The following HS6ST3 variants were observed in gnomAD, a reference collection of about 807,000 sequenced individuals.
HS6ST3 encodes the protein heparan sulfate 6-O-sulfotransferase 3, also known as heparan-sulfate 6-O-sulfotransferase 3.
Under a neutral mutation model 36.7 loss-of-function variants are expected in HS6ST3, and 12 were observed. The ratio of observed to expected loss-of-function variants is 0.33; its 90% CI spans 0.21 to 0.53. HS6ST3 has a LOEUF of 0.53. HS6ST3 is among the 20% of genes least tolerant of loss of function. The probability of loss-of-function intolerance (pLI) is 0.95; values close to 1 mark genes in which losing one functional copy is unlikely to be tolerated. For synonymous variants in HS6ST3, 240 were observed against 257.5 expected (o/e 0.93, Z 0.65); for missense variants, 584 against 640.9 (o/e 0.91, Z 0.96).
intron 1 of HS6ST3, among the ~76,000 whole-genome samples, chr13:96,158,981 GGAAGA>G (rs1211639246): frequency 6.6e-6 from 1 of 152,186 alleles, no homozygotes; most frequent in Admixed American, 6.5e-5. Flanking sequence ...CTTTCGGCAG[GGAAGA>G]GAAGAGAAGG....
Position 96,208,784 on chromosome 13 carries a change from A to G in HS6ST3, c.707+117215A>G, listed in dbSNP as rs908073086. Among the ~76,000 whole-genome samples, 4 of 152,216 alleles carry G rather than the reference A, an allele frequency of 2.6e-5. No individual in the cohort carries two copies. In the South Asian group the frequency reaches 8.3e-4, roughly 32 times the overall value. On this transcript the variant is annotated intron_variant, in intron 1 of 1. Transcript: ENST00000376705. ...ATAACACACTTTGATATCCTCAATT[A>G]AAAGGGTACGAGGTGAAAGAGAATT...
chr13:96,189,744 C>G (rs1331643994), intron 1 of HS6ST3, among the ~76,000 whole-genome samples: 1 of 152,154 alleles, frequency 6.6e-6, no homozygotes, highest in Non-Finnish European at 1.5e-5. Context: ...TTTCTGGAAC[C>G]TAGACTGAAA....
chr13:96,795,362 A>C (rs1877884650), intron 1 of HS6ST3, among the ~76,000 whole-genome samples: 1 of 152,038 alleles, frequency 6.6e-6, no homozygotes, highest in Admixed American at 6.6e-5. Flanking sequence ...TACTATTATT[A>C]ATTTCTCTGA....
chr13:96,361,135 C>A lies in HS6ST3; in HGVS notation c.707+269566C>A, dbSNP rs1246896372. Among the ~76,000 whole-genome samples the A allele has an allele frequency of 2.0e-5, 3 of 152,084 alleles. No homozygotes were observed. In the East Asian group the frequency reaches 5.8e-4, roughly 29 times the overall value. On this transcript the variant is annotated intron_variant, in intron 1 of 1. Transcript: ENST00000376705. ...AGTTGATTCTCTTGATTTAGAGAGT[C>A]TTTTGATACATATTATTTGATTAAG...
At chr13:96,667,639 C>T (rs574772112) in intron 1 of HS6ST3, among the ~76,000 whole-genome samples, 2 of 152,252 alleles carry the variant, frequency 1.3e-5, no homozygotes, top group Admixed American at 1.3e-4. Context: ...TAGAAATAGA[C>T]AAATCTGATG....
At chr13:96,300,980 G>A (rs2139403552) in intron 1 of HS6ST3, among the ~76,000 whole-genome samples, 1 of 152,230 alleles carries the variant, frequency 6.6e-6, no homozygotes, top group Middle Eastern at 3.4e-3. Context: ...CCTTATCTGG[G>A]CAATGATTCT....
intron 1 of HS6ST3, among the ~76,000 whole-genome samples, chr13:96,218,185 C>A (rs1421003111): frequency 6.6e-6 from 1 of 152,054 alleles, no homozygotes; most frequent in Non-Finnish European, 1.5e-5. Flanking sequence ...CTCTGTGTCC[C>A]CAGAGAGAAG....
In HS6ST3 at chr13:96,834,967, A is replaced by G. The variant is rs565350785; in HGVS notation, c.*1769A>G. ...CCAGGAACTGAACGAGGCCCTTTTC[A>G]TACCTTAAATATATTCTGCACAACA... On this transcript the variant is annotated 3_prime_UTR_variant, in exon 2 of 2. Coordinates refer to ENST00000376705, the MANE Select transcript of HS6ST3 (RefSeq NM_153456.4). 3 of 152,402 alleles carry G rather than the reference A, an allele frequency of 2.0e-5. No homozygotes were observed. The highest frequency in any genetic ancestry group is 4.4e-5 in the Non-Finnish European group (3 of 68,044). The allele number at this position is 152,402 out of a possible 1,614,324, so 9.4% of individuals were successfully genotyped here. A position where few individuals can be genotyped will look rare whatever the true frequency, so the allele number is the denominator to read the frequency against.
intron 1 of HS6ST3, among the ~76,000 whole-genome samples, chr13:96,215,149 A>T (rs925039228): frequency 6.6e-6 from 1 of 152,136 alleles, no homozygotes; most frequent in Non-Finnish European, 1.5e-5. Flanking sequence ...TCTCTGTGTT[A>T]TAGTGTCTGT....
At chr13:96,781,719 G>A (rs993074459) in intron 1 of HS6ST3, among the ~76,000 whole-genome samples, 7 of 152,116 alleles carry the variant, frequency 4.6e-5, no homozygotes, top group African/African-American at 1.7e-4. Context: ...TTGTCTTTGG[G>A]CCTCAAAAAT....
At chr13:96,467,329 G>A (rs557046702) in intron 1 of HS6ST3, among the ~76,000 whole-genome samples, 5 of 152,256 alleles carry the variant, frequency 3.3e-5, no homozygotes, top group South Asian at 4.1e-4. Context: ...TGGCACAGTC[G>A]TCTGCTTAAA....
chr13:96,374,105 C>A (rs1380839057), intron 1 of HS6ST3, among the ~76,000 whole-genome samples: 4 of 152,108 alleles, frequency 2.6e-5, no homozygotes, highest in Admixed American at 6.5e-5. Flanking sequence ...GAGTGCCTGT[C>A]TTAATGCTTA....
intron 1 of HS6ST3, among the ~76,000 whole-genome samples, chr13:96,505,373 A>G (rs1319036939): frequency 6.6e-6 from 1 of 152,170 alleles, no homozygotes; most frequent in Non-Finnish European, 1.5e-5. Context: ...GAGCCCTTTT[A>G]GGTGGAGGAG....
At chr13:96,731,204 A>G (rs1876143843) in intron 1 of HS6ST3, among the ~76,000 whole-genome samples, 1 of 152,228 alleles carries the variant, frequency 6.6e-6, no homozygotes, top group Non-Finnish European at 1.5e-5. Flanking sequence ...CTTTCTAACT[A>G]TAAATATAGT....
intron 1 of HS6ST3, among the ~76,000 whole-genome samples, chr13:96,596,838 A>G (rs1374434165): frequency 1.3e-5 from 2 of 152,158 alleles, no homozygotes; most frequent in Non-Finnish European, 2.9e-5. Flanking sequence ...CTAAATGTAT[A>G]CCCAAAGAAA....
intron 1 of HS6ST3, among the ~76,000 whole-genome samples, chr13:96,686,715 T>A (rs1874791157): frequency 1.3e-5 from 2 of 152,030 alleles, no homozygotes; most frequent in Non-Finnish European, 2.9e-5. Flanking sequence ...GTCATATATT[T>A]GTATCAGGCC....
At chr13:96,223,335 G>A (rs1312076592) in intron 1 of HS6ST3, among the ~76,000 whole-genome samples, 2 of 152,224 alleles carry the variant, frequency 1.3e-5, no homozygotes, top group East Asian at 3.9e-4. Flanking sequence ...CTCATATGTA[G>A]AGGCGTGCTT....
intron 1 of HS6ST3, among the ~76,000 whole-genome samples, chr13:96,361,983 A>C (rs1451333443): frequency 1.3e-5 from 2 of 152,230 alleles, no homozygotes; most frequent in Non-Finnish European, 2.9e-5. Context: ...AAACTCTGGT[A>C]ATGGGACCCA....
intron 1 of HS6ST3, among the ~76,000 whole-genome samples, chr13:96,201,182 C>T (rs552975163): frequency 4.6e-5 from 7 of 152,192 alleles, no homozygotes; most frequent in African/African-American, 1.4e-4. Flanking sequence ...GCTAAATAGA[C>T]GGATCGATTT....
Sources: allele counts gnomAD v4.1 joint callset (sites outside exome capture counted in the v4.1 genomes callset), GRCh38; gene constraint gnomAD v4.1.1; transcripts MANE v1.5; gene names NCBI Gene and HGNC (gene_info 2026-07-23, HGNC 2026-07-21).